The following TRPA1 variants were observed in gnomAD, a reference collection of about 807,000 sequenced individuals.
The protein encoded by TRPA1 is transient receptor potential cation channel subfamily A member 1.
In TRPA1, 129 loss-of-function variants were observed where a neutral mutation model predicts 131.3. The observed-to-expected ratio is 0.98, with a 90% CI of 0.85 to 1.14. The LOEUF is 1.14. TRPA1 is among the 50% of genes most tolerant of loss of function. The pLI, the probability that TRPA1 is intolerant of heterozygous loss-of-function variation, is 0.00. For synonymous variants in TRPA1, 441 were observed against 451.7 expected (o/e 0.98, Z 0.30); for missense variants, 1,304 against 1,354.2 (o/e 0.96, Z 0.58).
intron 26 of TRPA1, 103 bp from the exon 27 acceptor site, chr8:72,023,219 G>A (rs1811460213): frequency 6.0e-6 from 2 of 331,168 alleles, no homozygotes; most frequent in South Asian, 8.0e-5. Context: ...TCTGAATGTA[G>A]GAACGCATAG....
Position 72,050,842 on chromosome 8 carries a change from T to C in TRPA1, c.1841A>G (p.His614Arg). ...TGGACATTTATTGCCTGGAGAATTA[T>C]GACTGAAAATCTTAAGACATTCATC... ...RWDECLKIFS[H>R]NSPGNKCPIT... Residue 614 changes from histidine (H) to arginine (R), a missense_variant, in exon 15 of 27, where the codon CAT (histidine) becomes CGT (arginine). His to Arg is a conservative substitution (Grantham distance 29). Coordinates refer to ENST00000262209, the MANE Select transcript of TRPA1 (RefSeq NM_007332.3). 1 of 1,611,076 alleles carries C rather than the reference T, an allele frequency of 6.2e-7. No individual in the cohort carries two copies.
intron 3 of TRPA1, among the ~76,000 whole-genome samples, chr8:72,067,651 G>C (rs985534439): frequency 6.6e-6 from 1 of 152,182 alleles, no homozygotes; most frequent in South Asian, 2.1e-4. Flanking sequence ...CTTGAAAAGA[G>C]CCTTCAGAGG....
At chr8:72,034,424 T>C in intron 21 of TRPA1, 47 bp from the exon 22 acceptor site, 2 of 1,265,812 alleles carry the variant, frequency 1.6e-6, no homozygotes, top group Non-Finnish European at 2.2e-6. Context: ...ATAGTCAAAG[T>C]GTATTCATTC....
intron 10 of TRPA1, 68 bp from the exon 11 acceptor site, chr8:72,055,923 T>C: frequency 1.3e-6 from 2 of 1,526,826 alleles, no homozygotes; most frequent in East Asian, 2.3e-5. Flanking sequence ...TTTCAAACTA[T>C]TCTGTAGGAA....
intron 5 of TRPA1, 92 bp downstream of exon 5, chr8:72,063,371 C>T: frequency 2.3e-6 from 2 of 853,296 alleles, no homozygotes; most frequent in East Asian, 5.7e-5. Context: ...CAGAGTGAGA[C>T]TCCATCTCAA....
At chr8:72,055,046 G>T (rs2129435490) in intron 12 of TRPA1, 2 of 165,428 alleles carry the variant, frequency 1.2e-5, no homozygotes, top group Middle Eastern at 3.0e-3. Flanking sequence ...TGTATGTTTT[G>T]TGTGTGTGTG....
intron 14 of TRPA1, 67 bp downstream of exon 14, chr8:72,052,532 G>C (rs572668338): frequency 1.3e-6 from 2 of 1,586,792 alleles, no homozygotes; most frequent in Admixed American, 1.7e-5. Context: ...CTCTTATTTT[G>C]TCTCAGACTT....
chr8:72,031,577 CA>C (rs201196477), intron 23 of TRPA1, among the ~76,000 whole-genome samples: 3 of 134,920 alleles, frequency 2.2e-5, no homozygotes, highest in Admixed American at 1.6e-4. Flanking sequence ...GATCCTATCT[CA>C]AAAAAAACAA....
intron 17 of TRPA1, among the ~76,000 whole-genome samples, chr8:72,043,656 G>A (rs10504524): frequency 4.6e-5 from 7 of 151,164 alleles, no homozygotes; most frequent in Non-Finnish European, 8.9e-5. Context: ...TCCATCTTTC[G>A]GAAATAACTG....
intron 17 of TRPA1, among the ~76,000 whole-genome samples, chr8:72,043,477 A>G (rs1045795525): frequency 2.6e-5 from 4 of 151,818 alleles, no homozygotes; most frequent in Non-Finnish European, 4.4e-5. Context: ...TATAAATATT[A>G]TTATTGTTTC....
At chr8:72,089,414 T>A in the TRPA1 span, among the ~76,000 whole-genome samples, 2 of 152,138 alleles carry the variant, frequency 1.3e-5, no homozygotes, top group African/African-American at 2.4e-5. Flanking sequence ...AAAAAGTTCT[T>A]ATCTCATGAA....
At position 72,055,463 on chromosome 8, in the gene TRPA1, A is replaced by G. The variant is rs1805639214; in HGVS notation, c.1502T>C (p.Leu501Pro). ...GAGAAACAATGCACCTTTTTTCAGAAGAAGCTGAACTACTTTATCATGTCC... is the reference window on the plus strand; with the variant it reads ...GAGAAACAATGCACCTTTTTTCAGAGGAAGCTGAACTACTTTATCATGTCC... ...KNGHDKVVQL[L>P]LKKGALFLSD... The change falls in exon 12 of 27, where the codon CTT (leucine) becomes CCT (proline). Residue 501 changes from leucine (L) to proline (P), a missense_variant. By Grantham distance (98) the Leu-to-Pro change is moderately conservative. Transcript: ENST00000262209. 1.2e-6 allele frequency: 2 copies of G among 1,613,132 alleles called. No individual in the cohort carries two copies. Among genetic ancestry groups the G allele is most frequent in the Non-Finnish European group, 1.7e-6 (2 of 1,179,344 alleles).
At chr8:72,085,312 C>G in the TRPA1 span, among the ~76,000 whole-genome samples, 3 of 151,972 alleles carry the variant, frequency 2.0e-5, no homozygotes, top group Non-Finnish European at 2.9e-5. Flanking sequence ...AGTCTTCTAC[C>G]TCATTATTTT....
chr8:72,079,241 T>C (rs1219355415), upstream of TRPA1, among the ~76,000 whole-genome samples: 1 of 151,994 alleles, frequency 6.6e-6, no homozygotes, highest in South Asian at 2.1e-4. Context: ...TTAATTTTGA[T>C]AAAAGTCTAA....
intron 5 of TRPA1, 69 bp downstream of exon 5, chr8:72,063,394 A>T (rs540771248): frequency 2.5e-6 from 3 of 1,195,180 alleles, no homozygotes; most frequent in Admixed American, 1.8e-5. Flanking sequence ...GAAAAAAAAA[A>T]ATCAAATTAA....
Position 72,062,945 on chromosome 8 carries a change from C to A in TRPA1, c.662-1G>T, listed in dbSNP as rs748136716. ...TGTCTACTGTACCCATGCTCTTCACCTTGAGAAGAAAATAACATTCAACAT... is the reference window on the plus strand; with the variant it reads ...TGTCTACTGTACCCATGCTCTTCACATTGAGAAGAAAATAACATTCAACAT... On this transcript the variant is annotated splice_acceptor_variant, in intron 5 of 26. Coordinates refer to ENST00000262209, the MANE Select transcript of TRPA1 (RefSeq NM_007332.3). LOFTEE classifies it high-confidence loss of function. 6.2e-7 allele frequency: 1 copy of A among 1,613,106 alleles called. No individual in the cohort carries two copies. Among genetic ancestry groups the A allele is most frequent in the Non-Finnish European group, 8.5e-7 (1 of 1,179,534 alleles).
chr8:72,029,019 A>G (rs1298815747), intron 24 of TRPA1, among the ~76,000 whole-genome samples: 1 of 152,234 alleles, frequency 6.6e-6, no homozygotes, highest in African/African-American at 2.4e-5. Context: ...TTTGAAATTT[A>G]AAGACAATCC....
At chr8:72,066,149 C>T (rs2129436401) in intron 3 of TRPA1, among the ~76,000 whole-genome samples, 1 of 152,256 alleles carries the variant, frequency 6.6e-6, no homozygotes, top group East Asian at 1.9e-4. Flanking sequence ...GGAATGGAAA[C>T]TTTCTCTACA....
chr8:72,069,765 A>G (rs555927620), intron 2 of TRPA1, among the ~76,000 whole-genome samples: 1 of 152,170 alleles, frequency 6.6e-6, no homozygotes, highest in East Asian at 1.9e-4. Flanking sequence ...AAAAACATAT[A>G]TTCATATACC....
Sources: allele counts gnomAD v4.1 joint callset (sites outside exome capture counted in the v4.1 genomes callset), GRCh38; gene constraint gnomAD v4.1.1; transcripts MANE v1.5; gene names NCBI Gene and HGNC (gene_info 2026-07-23, HGNC 2026-07-21).